The following SLC43A2 variants were observed in gnomAD, a reference collection of about 807,000 sequenced individuals.
The protein encoded by SLC43A2 is solute carrier family 43 member 2.
Under a neutral mutation model 63.2 loss-of-function variants are expected in SLC43A2, and 38 were observed. The ratio of observed to expected loss-of-function variants is 0.60; its 90% CI spans 0.46 to 0.79. SLC43A2 has a LOEUF of 0.79. Among genes scored for constraint, SLC43A2 ranks in the 30% least tolerant of loss-of-function variants. SLC43A2 has a pLI of 0.00. For missense variants in SLC43A2, 644 were observed against 756.2 expected, an observed-to-expected ratio of 0.85 and a Z score of 1.74; for synonymous variants, 322 against 331.0, an observed-to-expected ratio of 0.97 and a Z score of 0.30.
rs928219424 is a variant in SLC43A2, at chr17:1,574,533, G to A, written c.*1071C>T. 1 of 152,524 alleles carries A rather than the reference G, an allele frequency of 6.6e-6. No homozygotes were observed. The highest frequency in any genetic ancestry group is 1.5e-5 in the Non-Finnish European group (1 of 68,060). 9.4% of individuals were successfully genotyped at this position (152,524 alleles called of 1,614,324 possible). ...AGGAGGTCTCAAGACACACTTCTGG[G>A]GGCAGTCAAGGTGGGCGGGTTGGTG... On this transcript the variant is annotated 3_prime_UTR_variant, in exon 14 of 14. Coordinates refer to ENST00000301335, the MANE Select transcript of SLC43A2 (RefSeq NM_152346.3).
At chr17:1,625,326 G>A (rs565931084) in intron 2 of SLC43A2, among the ~76,000 whole-genome samples, 112 of 152,276 alleles carry the variant, frequency 7.4e-4, no homozygotes, top group Non-Finnish European at 1.3e-3. Context: ...GGCTGGAGTC[G>A]TAAGAAAGAG....
chr17:1,593,353 C>T lies in SLC43A2; in HGVS notation c.502-74G>A. The T allele has an allele frequency of 7.2e-7, 1 of 1,387,516 alleles. No individual in the cohort carries two copies. The highest frequency in any genetic ancestry group is 1.0e-6 in the Non-Finnish European group (1 of 989,406). The allele number at this position is 1,387,516 out of a possible 1,614,324, so 86.0% of individuals were successfully genotyped here. A position where few individuals can be genotyped will look rare whatever the true frequency, so the allele number is the denominator to read the frequency against. On this transcript the variant is annotated intron_variant, in intron 5 of 13. Coordinates refer to ENST00000301335, the MANE Select transcript of SLC43A2 (RefSeq NM_152346.3). The surrounding 1 kb of genome is among the most constrained non-coding windows in gnomAD (Gnocchi z 5.3). Reference sequence around the variant, plus strand: ...AAGGGGAGGAGGAGGGGACAGAGAACTAGGCCCCATGAGGCCCCTTCTTCA... The same window carrying T: ...AAGGGGAGGAGGAGGGGACAGAGAATTAGGCCCCATGAGGCCCCTTCTTCA...
intron 9 of SLC43A2, chr17:1,587,052 C>T: frequency 7.5e-7 from 1 of 1,328,766 alleles, no homozygotes; most frequent in South Asian, 1.3e-5. Context: ...AGGAGGCAGG[C>T]TCACTCCATG....
chr17:1,582,126 C>T lies in SLC43A2; in HGVS notation c.1350+1078G>A, dbSNP rs181154573. ...ACAGAGTCTCACTCTGTCATCCAGG[C>T]TGGAGTGCAGTGGCGCGATCTCAGT... On this transcript the variant is annotated intron_variant, in intron 11 of 13. Coordinates refer to ENST00000301335, the MANE Select transcript of SLC43A2 (RefSeq NM_152346.3). Among the ~76,000 whole-genome samples the T allele has an allele frequency of 4.8e-3, 729 of 151,836 alleles. 5 individuals are homozygous for T. The highest frequency in any genetic ancestry group is 8.2e-3 in the Non-Finnish European group (559 of 67,958).
chr17:1,605,196 C>T lies in SLC43A2; in HGVS notation c.501+7999G>A. Reference sequence around the variant, plus strand: ...CCAGCCCGGGCTGTTCACTCACTGCCTCCACGCAGCCTCAGTCACACAGGG... The same window carrying T: ...CCAGCCCGGGCTGTTCACTCACTGCTTCCACGCAGCCTCAGTCACACAGGG... On this transcript the variant is annotated intron_variant, in intron 5 of 13. Coordinates refer to ENST00000301335, the MANE Select transcript of SLC43A2 (RefSeq NM_152346.3). The surrounding 1 kb of genome is among the most constrained non-coding windows in gnomAD (Gnocchi z 4.9). 8.7e-7 allele frequency: 1 copy of T among 1,145,464 alleles called. No homozygotes were observed. Among genetic ancestry groups the T allele is most frequent in the African/African-American group, 1.6e-5 (1 of 61,830 alleles). The allele number at this position is 1,145,464 out of a possible 1,614,324, so 71.0% of individuals were successfully genotyped here.
chr17:1,586,928 T>TGGGGGCCCCCCCC, intron 9 of SLC43A2: 3 of 1,232,892 alleles, frequency 2.4e-6, no homozygotes, highest in Non-Finnish European at 3.4e-6. Context: ...TCCCTGACAA[T>TGGGGGCCCCCCCC]CCCCCCCACC....
rs1435200607 is a variant in SLC43A2, at chr17:1,627,917, C to T, written c.-43G>A. On this transcript the variant is annotated 5_prime_UTR_variant, in exon 2 of 14. In the 5' UTR this introduces an upstream ATG that the reference lacks. Transcript: ENST00000301335. The stretch of plus-strand genomic sequence containing the variant: ...CTCCGGCTCCGGCTCCGGCTCTGCA[C>T]CACCTGCGCACAGAACTCGGCGTCA... The T allele has an allele frequency of 1.3e-6, 2 of 1,503,792 alleles. No homozygotes were observed. The highest frequency in any genetic ancestry group is 2.9e-5 in the African/African-American group (2 of 69,992). 93.2% of individuals were successfully genotyped at this position (1,503,792 alleles called of 1,614,324 possible). A position where few individuals can be genotyped will look rare whatever the true frequency, so the allele number is the denominator to read the frequency against.
chr17:1,627,835 A>T lies in SLC43A2; in HGVS notation c.40T>A (p.Trp14Arg), dbSNP rs776957429. The T allele has an allele frequency of 6.3e-7, 1 of 1,589,306 alleles. No individual in the cohort carries two copies. Among genetic ancestry groups the T allele is most frequent in the Non-Finnish European group, 8.6e-7 (1 of 1,168,264 alleles). The change falls in exon 2 of 14, where the codon TGG becomes AGG. Residue 14 changes from tryptophan to arginine, a missense_variant. Trp to Arg is a moderately radical substitution (Grantham distance 101, BLOSUM62 -3). Around this residue, in one of 3 missense-constraint regions of SLC43A2, gnomAD observed 528 missense variants for 623.6 expected, o/e 0.85. Transcript: ENST00000301335. ...TLATAHRRRW[W>R]MACTAVLENL... ...TCCAGCACGGCCGTGCAGGCCATCC[A>T]CCAGCGGCGCCGATGGGCAGTGGCC...
At chr17:1,613,745 C>A (rs1490482431) in intron 4 of SLC43A2, among the ~76,000 whole-genome samples, 1 of 152,170 alleles carries the variant, frequency 6.6e-6, no homozygotes, top group Non-Finnish European at 1.5e-5. Context: ...CCTCCTCTTG[C>A]CTATTTCACA....
intron 2 of SLC43A2, among the ~76,000 whole-genome samples, chr17:1,622,440 C>T (rs1908247863): frequency 6.6e-6 from 1 of 152,086 alleles, no homozygotes. Flanking sequence ...TGGCGGGCGC[C>T]TGCAGTCCCA....
intron 11 of SLC43A2, among the ~76,000 whole-genome samples, chr17:1,581,806 G>GTT (rs926906202): frequency 5.8e-4 from 81 of 140,714 alleles, no homozygotes; most frequent in Non-Finnish European, 6.2e-4. Flanking sequence ...AAGAAATTCA[G>GTT]TTTTTTTTTT....
chr17:1,596,942 C>T (rs1454065531), intron 5 of SLC43A2, among the ~76,000 whole-genome samples: 1 of 152,006 alleles, frequency 6.6e-6, no homozygotes, highest in Non-Finnish European at 1.5e-5. Flanking sequence ...TGAGGCCAGG[C>T]GCGGTGGCTC....
At chr17:1,598,654 C>G (rs9911336) in intron 5 of SLC43A2, among the ~76,000 whole-genome samples, 12,818 of 152,244 alleles carry the variant, frequency 0.084, 856 homozygotes, top group East Asian at 0.23. Flanking sequence ...TAATCTCAAG[C>G]CTGCCTGCCT....
chr17:1,594,924 G>T (rs1436243093), intron 5 of SLC43A2, among the ~76,000 whole-genome samples: 2 of 152,074 alleles, frequency 1.3e-5, no homozygotes, highest in Admixed American at 1.3e-4. Context: ...TCTGCTGGAC[G>T]CAGTGGCTCA....
rs1185133124 is a variant in SLC43A2, at chr17:1,575,152, T to G, written c.*452A>C. On this transcript the variant is annotated 3_prime_UTR_variant, in exon 14 of 14. Coordinates refer to ENST00000301335, the MANE Select transcript of SLC43A2 (RefSeq NM_152346.3). The stretch of plus-strand genomic sequence containing the variant: ...AGCCTCAGGCTGGCCGGGGAGGGGG[T>G]GGGGGCCAGGCGCGGGCGAGACAGT... 6.4e-5 allele frequency: 11 copies of G among 171,604 alleles called. No individual in the cohort carries two copies. The highest frequency in any genetic ancestry group is 3.4e-4 in the South Asian group (3 of 8,872). The allele number at this position is 171,604 out of a possible 1,614,324, so 10.6% of individuals were successfully genotyped here.
intron 11 of SLC43A2, among the ~76,000 whole-genome samples, chr17:1,579,595 T>G (rs1388027341): frequency 1.3e-5 from 2 of 152,144 alleles, no homozygotes; most frequent in East Asian, 3.9e-4. Flanking sequence ...ATCCCCACAC[T>G]CTGGGAGGCC....
rs1438570055 is a variant in SLC43A2, at chr17:1,575,500, G to C, written c.*104C>G. Reference sequence around the variant, plus strand: ...GGGAGGGAGCGTGAACGCTGGCACGGAGACGGCGAAGGTCCTGGGGGTGCG... The same window carrying C: ...GGGAGGGAGCGTGAACGCTGGCACGCAGACGGCGAAGGTCCTGGGGGTGCG... On this transcript the variant is annotated 3_prime_UTR_variant, in exon 14 of 14. Coordinates refer to ENST00000301335, the MANE Select transcript of SLC43A2 (RefSeq NM_152346.3). The C allele has an allele frequency of 6.8e-7, 1 of 1,467,186 alleles. No individual in the cohort carries two copies. Among genetic ancestry groups the C allele is most frequent in the African/African-American group, 1.4e-5 (1 of 72,070 alleles). 90.9% of individuals were successfully genotyped at this position (1,467,186 alleles called of 1,614,324 possible).
In SLC43A2 at chr17:1,571,164, C is replaced by A. The variant is rs923481810; in HGVS notation, c.*4440G>T. The A allele has an allele frequency of 1.3e-5, 2 of 152,196 alleles. No homozygotes were observed. Among genetic ancestry groups the A allele is most frequent in the African/African-American group, 2.4e-5 (1 of 41,446 alleles). 9.4% of individuals were successfully genotyped at this position (152,196 alleles called of 1,614,324 possible). The stretch of plus-strand genomic sequence containing the variant: ...GAGTGTGCTGCACCTCCTTCAGTGG[C>A]CTTCAGGAGCTCTGTCCTCACCCAG... On this transcript the variant is annotated 3_prime_UTR_variant, in exon 14 of 14. Transcript: ENST00000301335. The surrounding 1 kb of genome is among the most constrained non-coding windows in gnomAD (Gnocchi z 5.2).
chr17:1,575,499 G>A lies in SLC43A2; in HGVS notation c.*105C>T, dbSNP rs1009199018. On this transcript the variant is annotated 3_prime_UTR_variant, in exon 14 of 14. Coordinates refer to ENST00000301335, the MANE Select transcript of SLC43A2 (RefSeq NM_152346.3). ...CGGGAGGGAGCGTGAACGCTGGCAC[G>A]GAGACGGCGAAGGTCCTGGGGGTGC... The A allele has an allele frequency of 4.8e-6, 7 of 1,460,420 alleles. No individual in the cohort carries two copies. Among genetic ancestry groups the A allele is most frequent in the Admixed American group, 3.5e-5 (2 of 57,532 alleles). 90.5% of individuals were successfully genotyped at this position (1,460,420 alleles called of 1,614,324 possible).
Sources: allele counts gnomAD v4.1 joint callset (sites outside exome capture counted in the v4.1 genomes callset), GRCh38; gene constraint gnomAD v4.1.1; regional missense constraint gnomAD v4.1.1; non-coding constraint Gnocchi (gnomAD v3.1); transcripts MANE v1.5; gene names NCBI Gene and HGNC (gene_info 2026-07-23, HGNC 2026-07-21).